The following KALRN variants were observed in gnomAD, a reference collection of about 807,000 sequenced individuals.
KALRN encodes kalirin RhoGEF kinase.
Under a neutral mutation model 353.7 loss-of-function variants are expected in KALRN, and 70 were observed. That is an observed-to-expected ratio of 0.20 (90% CI 0.16 to 0.24). The LOEUF is 0.24. KALRN is among the 10% of genes least tolerant of loss of function. KALRN has a pLI of 1.00. For missense variants in KALRN, 2,791 were observed against 3,756.7 expected (o/e 0.74, Z 6.72); for synonymous variants, 1,391 against 1,434.8 (o/e 0.97, Z 0.69).
At chr3:124,661,733 C>T (rs2084903050) in intron 44 of KALRN, 118 bp from the exon 45 acceptor site, 2 of 800,222 alleles carry the variant, frequency 2.5e-6, no homozygotes, top group Admixed American at 3.6e-5. Flanking sequence ...ACCAGCATCC[C>T]TTCCTAGAAT....
chr3:124,429,934 T>G (rs1031538365), intron 15 of KALRN, among the ~76,000 whole-genome samples: 4 of 152,212 alleles, frequency 2.6e-5, no homozygotes, highest in Admixed American at 2.6e-4. Flanking sequence ...CTGCCTACTC[T>G]TGGTTATTTT....
intron 10 of KALRN, among the ~76,000 whole-genome samples, chr3:124,371,182 T>C (rs1190067413): frequency 6.6e-6 from 1 of 152,246 alleles, no homozygotes; most frequent in African/African-American, 2.4e-5. Context: ...CCTGTTCAGG[T>C]ATGTTATGAC....
intron 6 of KALRN, among the ~76,000 whole-genome samples, chr3:124,305,641 T>A (rs984359441): frequency 6.6e-6 from 1 of 152,124 alleles, no homozygotes; most frequent in South Asian, 2.1e-4. Context: ...GCCTATCCAA[T>A]GCTGTACTCC....
intron 18 of KALRN, among the ~76,000 whole-genome samples, chr3:124,441,681 C>G (rs773303253): frequency 6.6e-6 from 1 of 152,026 alleles, no homozygotes; most frequent in South Asian, 2.1e-4. Context: ...ACAAAGTTAC[C>G]TAGGTGTGGC....
chr3:124,579,842 G>A (rs1358180775), intron 34 of KALRN, among the ~76,000 whole-genome samples: 2 of 152,090 alleles, frequency 1.3e-5, no homozygotes, highest in African/African-American at 2.4e-5. Context: ...GCATAAACTC[G>A]AGTCATGTGC....
At chr3:124,564,005 C>CAAAA (rs56072904) in intron 34 of KALRN, among the ~76,000 whole-genome samples, 3 of 96,470 alleles carry the variant, frequency 3.1e-5, no homozygotes, top group South Asian at 3.8e-4. Context: ...GACTCTGTCT[C>CAAAA]AAAAAAAAAA....
At chr3:124,621,955 C>T (rs532292198) in intron 34 of KALRN, among the ~76,000 whole-genome samples, 12 of 152,362 alleles carry the variant, frequency 7.9e-5, no homozygotes, top group African/African-American at 2.9e-4. Flanking sequence ...TTGGCCCTCC[C>T]ATTACGTGCC....
At chr3:124,551,462 T>G (rs1363606138) in intron 33 of KALRN, among the ~76,000 whole-genome samples, 6 of 152,190 alleles carry the variant, frequency 3.9e-5, no homozygotes, top group African/African-American at 1.4e-4. Flanking sequence ...TCTGGGGTGG[T>G]GCCAGCACAG....
intron 15 of KALRN, among the ~76,000 whole-genome samples, chr3:124,428,495 T>G (rs576601694): frequency 9.2e-5 from 14 of 152,262 alleles, no homozygotes; most frequent in African/African-American, 3.4e-4. Flanking sequence ...TTTTGCCAGG[T>G]AAGTAAAAAA....
At chr3:124,143,581 T>C (rs1455701308) in intron 1 of KALRN, among the ~76,000 whole-genome samples, 1 of 152,176 alleles carries the variant, frequency 6.6e-6, no homozygotes, top group Non-Finnish European at 1.5e-5. Context: ...AAACTACTAA[T>C]AGAGCCTCAC....
At chr3:124,486,212 C>T (rs1459330191) in intron 28 of KALRN, among the ~76,000 whole-genome samples, 1 of 152,018 alleles carries the variant, frequency 6.6e-6, no homozygotes, top group Non-Finnish European at 1.5e-5. Flanking sequence ...ATTTATTGGC[C>T]CAGCTGGTAG....
At chr3:124,375,306 C>T (rs1354135564) in intron 10 of KALRN, among the ~76,000 whole-genome samples, 1 of 152,226 alleles carries the variant, frequency 6.6e-6, no homozygotes, top group Non-Finnish European at 1.5e-5. Context: ...CTCCTAATTG[C>T]TCAGCTATCT....
intron 1 of KALRN, among the ~76,000 whole-genome samples, chr3:124,176,602 A>G (rs544294785): frequency 1.3e-5 from 2 of 152,144 alleles, no homozygotes; most frequent in Middle Eastern, 3.2e-3. Flanking sequence ...GACAAGCAGG[A>G]GAAGCTAGGA....
chr3:124,292,551 G>A (rs963111968), intron 5 of KALRN, among the ~76,000 whole-genome samples: 1 of 152,102 alleles, frequency 6.6e-6, no homozygotes, highest in African/African-American at 2.4e-5. Flanking sequence ...AGAGCCCTGA[G>A]AGGGTGTCTG....
intron 5 of KALRN, among the ~76,000 whole-genome samples, chr3:124,284,928 CT>C (rs2075690605): frequency 6.6e-6 from 1 of 152,224 alleles, no homozygotes; most frequent in South Asian, 2.1e-4. Context: ...TGAGATCTCA[CT>C]GTTTGGCCGA....
intron 14 of KALRN, among the ~76,000 whole-genome samples, chr3:124,414,460 A>G (rs1360684036): frequency 6.6e-6 from 1 of 152,236 alleles, no homozygotes; most frequent in African/African-American, 2.4e-5. Context: ...GGGTGAGTAT[A>G]AACAGTGATG....
intron 1 of KALRN, among the ~76,000 whole-genome samples, chr3:124,051,769 C>T (rs186640444): frequency 9.8e-5 from 15 of 152,320 alleles, no homozygotes; most frequent in Non-Finnish European, 1.8e-4. Context: ...ACTCTGTCCC[C>T]TGTGAAGGGA....
intron 33 of KALRN, among the ~76,000 whole-genome samples, chr3:124,556,745 G>A (rs546517597): frequency 2.0e-5 from 3 of 152,236 alleles, no homozygotes; most frequent in Admixed American, 6.5e-5. Context: ...TCATTATAAA[G>A]CAGCACTTAT....
chr3:124,680,767 C>A (rs1009860766), intron 51 of KALRN, among the ~76,000 whole-genome samples: 37 of 152,290 alleles, frequency 2.4e-4, no homozygotes, highest in Non-Finnish European at 4.6e-4. Context: ...ATAGAGTAGT[C>A]CCCTGTAGAT....
Sources: allele counts gnomAD v4.1 joint callset (sites outside exome capture counted in the v4.1 genomes callset), GRCh38; gene constraint gnomAD v4.1.1; transcripts MANE v1.5; gene names NCBI Gene and HGNC (gene_info 2026-07-23, HGNC 2026-07-21).